The following SLC12A6 variants were observed in gnomAD, a reference collection of about 807,000 sequenced individuals.
SLC12A6 encodes solute carrier family 12 member 6.
In SLC12A6, 66 loss-of-function variants were observed where a neutral mutation model predicts 135.3. The observed-to-expected ratio is 0.49, with a 90% CI of 0.40 to 0.60. The LOEUF (loss-of-function observed/expected upper bound fraction) is 0.60, where lower values mean the gene tolerates loss of function less well. Among genes scored for constraint, SLC12A6 ranks in the 20% least tolerant of loss-of-function variants. The probability of loss-of-function intolerance (pLI) is 0.00; values close to 1 mark genes in which losing one functional copy is unlikely to be tolerated. For missense variants in SLC12A6, 1,058 were observed against 1,452.3 expected, an observed-to-expected ratio of 0.73 and a Z score of 4.41; for synonymous variants, 513 against 508.8, an observed-to-expected ratio of 1.01 and a Z score of -0.11.
At chr15:34,289,104 T>C (rs1394651174) in intron 2 of SLC12A6, among the ~76,000 whole-genome samples, 1 of 152,238 alleles carries the variant, frequency 6.6e-6, no homozygotes, top group East Asian at 1.9e-4. Context: ...CCATTCAGTA[T>C]GATACTGGCT....
At chr15:34,286,543 C>A (rs1895091902) in intron 2 of SLC12A6, among the ~76,000 whole-genome samples, 1 of 151,864 alleles carries the variant, frequency 6.6e-6, no homozygotes, top group Non-Finnish European at 1.5e-5. Flanking sequence ...GCCTGTAATC[C>A]CAGCACTTTG....
intron 2 of SLC12A6, among the ~76,000 whole-genome samples, chr15:34,323,101 G>A (rs2141143060): frequency 1.3e-5 from 2 of 151,078 alleles, no homozygotes; most frequent in Middle Eastern, 6.8e-3. Context: ...TCACAGACTG[G>A]GAGAAAATAT....
At chr15:34,293,135 C>A (rs1895655140) in intron 2 of SLC12A6, among the ~76,000 whole-genome samples, 1 of 152,170 alleles carries the variant, frequency 6.6e-6, no homozygotes, top group Admixed American at 6.5e-5. Context: ...TGTTCCTATT[C>A]AGCCATCTTG....
At chr15:34,261,650 G>A (rs1171332636) in intron 3 of SLC12A6, among the ~76,000 whole-genome samples, 4 of 152,096 alleles carry the variant, frequency 2.6e-5, no homozygotes, top group Non-Finnish European at 5.9e-5. Context: ...AAGATATTGA[G>A]TATATACTCA....
At chr15:34,303,465 A>T (rs1405898751) in intron 2 of SLC12A6, among the ~76,000 whole-genome samples, 1 of 152,094 alleles carries the variant, frequency 6.6e-6, no homozygotes, top group African/African-American at 2.4e-5. Context: ...TTTTTCATTG[A>T]GCCTAATGCC....
intron 2 of SLC12A6, among the ~76,000 whole-genome samples, chr15:34,303,019 A>AT (rs1896366051): frequency 6.6e-6 from 1 of 151,026 alleles, no homozygotes; most frequent in Admixed American, 6.6e-5. Flanking sequence ...GATCCAAATT[A>AT]TTTTTCATGC....
chr15:34,304,228 CAT>C (rs368344731), intron 2 of SLC12A6, among the ~76,000 whole-genome samples: 55 of 152,262 alleles, frequency 3.6e-4, no homozygotes, highest in Middle Eastern at 3.4e-3. Flanking sequence ...AAGCTTCACA[CAT>C]GTTATAGCAG....
At chr15:34,258,409 C>T (rs1003913691) in intron 5 of SLC12A6, among the ~76,000 whole-genome samples, 13 of 152,280 alleles carry the variant, frequency 8.5e-5, no homozygotes, top group Non-Finnish European at 1.6e-4. Context: ...TGCTCTTTTC[C>T]CACATAGCTC....
intron 2 of SLC12A6, among the ~76,000 whole-genome samples, chr15:34,300,840 C>A (rs142953332): frequency 8.6e-5 from 13 of 150,638 alleles, no homozygotes; most frequent in Admixed American, 1.3e-4. Context: ...GGTTTGGGGG[C>A]ATGAGGGGCA....
At position 34,246,971 on chromosome 15, in the gene SLC12A6, G is replaced by A. The variant is rs373273855; in HGVS notation, c.1650-1104C>T. Among the ~76,000 whole-genome samples the A allele has an allele frequency of 2.0e-5, 3 of 152,134 alleles. No homozygotes were observed. In the East Asian group the frequency reaches 5.8e-4, roughly 29 times the overall value. ...CAGCTAAGTTATGGCAGATTCTTAA[G>A]AGGGAATAACTAACCAAAGGGATCA... On this transcript the variant is annotated intron_variant, in intron 13 of 25. Transcript: ENST00000354181.
intron 2 of SLC12A6, among the ~76,000 whole-genome samples, chr15:34,283,331 G>A (rs2058880891): frequency 6.6e-6 from 1 of 152,014 alleles, no homozygotes; most frequent in Middle Eastern, 3.4e-3. Context: ...TGACAAGAGC[G>A]AAACTCTGTC....
chr15:34,290,861 G>A (rs866905182), intron 2 of SLC12A6, among the ~76,000 whole-genome samples: 8 of 151,526 alleles, frequency 5.3e-5, no homozygotes, highest in African/African-American at 1.5e-4. Flanking sequence ...CCTTTATTTT[G>A]AGCCTATGTG....
intron 2 of SLC12A6, among the ~76,000 whole-genome samples, chr15:34,276,703 G>A (rs558871131): frequency 6.6e-6 from 1 of 152,292 alleles, no homozygotes; most frequent in East Asian, 1.9e-4. Context: ...ATTTTCTACA[G>A]CTATGATGTA....
intron 13 of SLC12A6, among the ~76,000 whole-genome samples, chr15:34,248,619 T>C (rs1892170828): frequency 6.6e-6 from 1 of 151,970 alleles, no homozygotes; most frequent in African/African-American, 2.4e-5. Flanking sequence ...CATATATATA[T>C]TGTGCTTTTT....
chr15:34,261,306 C>CT (rs565428661), intron 3 of SLC12A6, among the ~76,000 whole-genome samples: 173 of 148,968 alleles, frequency 1.2e-3, no homozygotes, highest in Admixed American at 2.6e-3. Context: ...CATGAAGACT[C>CT]TTTTTTTTTT....
rs1222472181 is a variant in SLC12A6 at position 34,258,981 on chromosome 15, AGAACACT to A, written c.412-44_412-38del. 1.9e-6 allele frequency: 3 copies of A among 1,548,484 alleles called. No homozygotes were observed. The South Asian group carries it at 3.3e-5, about 17-fold the overall frequency. On this transcript the variant is annotated intron_variant, in intron 4 of 25. Transcript: ENST00000354181. ...GTGACATGGAAGAAATGAGCTACAA[AGAACACT>A]GAACATAAGTATCAAAATAATCTTG...
rs1459227527 is a variant in SLC12A6, at chr15:34,257,444, T to A, written c.690+198A>T. ...GCTTTGTAATTTCTAGTACATCATA[T>A]AATAGATAGCAAGCAGTGACTAACA... On this transcript the variant is annotated intron_variant, in intron 6 of 25. Transcript: ENST00000354181. 11 of 574,196 alleles carry A rather than the reference T, an allele frequency of 1.9e-5. No individual in the cohort carries two copies. In the East Asian group the frequency reaches 3.3e-4, roughly 17 times the overall value. 35.6% of individuals were successfully genotyped at this position (574,196 alleles called of 1,614,324 possible). A position where few individuals can be genotyped will look rare whatever the true frequency, so the allele number is the denominator to read the frequency against.
Position 34,230,437 on chromosome 15 carries a change from G to A in SLC12A6, c.*3444C>T, listed in dbSNP as rs958154049. On this transcript the variant is annotated 3_prime_UTR_variant, in exon 26 of 26. Transcript: ENST00000354181. ...GCCACAGGAATCTGAGGCAACGGAA[G>A]ATATATAGAGTGATCGTCCCCCTGC... 6.6e-6 allele frequency: 1 copy of A among 152,352 alleles called. No individual in the cohort carries two copies. Among genetic ancestry groups the A allele is most frequent in the African/African-American group, 2.4e-5 (1 of 41,454 alleles). 9.4% of individuals were successfully genotyped at this position (152,352 alleles called of 1,614,324 possible). A position where few individuals can be genotyped will look rare whatever the true frequency, so the allele number is the denominator to read the frequency against.
At chr15:34,290,093 C>T (rs1895411144) in intron 2 of SLC12A6, among the ~76,000 whole-genome samples, 1 of 152,144 alleles carries the variant, frequency 6.6e-6, no homozygotes, top group African/African-American at 2.4e-5. Flanking sequence ...TAGATCTCTC[C>T]TGCTTTCTCT....
Sources: gnomAD v4.1 joint callset for allele counts (sites outside exome capture counted in the v4.1 genomes callset) on GRCh38, gnomAD v4.1.1 for gene constraint, MANE v1.5 for transcripts, NCBI Gene and HGNC (gene_info 2026-07-23, HGNC 2026-07-21) for gene names.